The following POM121 variants were observed in gnomAD, a reference collection of about 807,000 sequenced individuals.
The protein encoded by POM121 is POM121 transmembrane nucleoporin, also known as nuclear envelope pore membrane protein POM 121.
In POM121, 32 loss-of-function variants were observed where a neutral mutation model predicts 81.3. The ratio of observed to expected loss-of-function variants is 0.39; its 90% CI spans 0.30 to 0.53. The LOEUF is 0.53. Ranked by LOEUF, POM121 falls within the 20% of genes least tolerant of loss-of-function variation. The pLI is 0.66. For missense variants in POM121, 1,138 were observed against 1,614.6 expected, an observed-to-expected ratio of 0.70 and a Z score of 5.06; for synonymous variants, 514 against 694.2, an observed-to-expected ratio of 0.74 and a Z score of 4.08.
chr7:72,880,866 G>A (rs1171154090), intron 1 of POM121, among the ~76,000 whole-genome samples: 1 of 142,416 alleles, frequency 7.0e-6, no homozygotes, highest in Non-Finnish European at 1.5e-5. Context: ...AGCCTGGGTG[G>A]CAGATTGAGA....
At chr7:72,920,296 G>A (rs1313356070), upstream of POM121, among the ~76,000 whole-genome samples, 6 of 150,298 alleles carry the variant, frequency 4.0e-5, no homozygotes, top group Middle Eastern at 3.2e-3. Context: ...CTAGTAATAC[G>A]ATGTCAGGAT....
rs1554497032 is a variant in POM121 at position 72,925,439 on chromosome 7, C to T, written c.318C>T (p.Phe106=). The T allele has an allele frequency of 1.3e-6, 2 of 1,533,798 alleles. No homozygotes were observed. Among genetic ancestry groups the T allele is most frequent in the East Asian group, 2.4e-5 (1 of 40,910 alleles). The change falls in exon 1 of 13, where the codon TTC becomes TTT. Residue 106 remains phenylalanine, a synonymous_variant. Coordinates refer to ENST00000434423, the MANE Select transcript of POM121 (RefSeq NM_001387691.1). ...VRKARHRRTL[F]ASPLAKSTAN... is the part of the protein sequence containing the mutation. ...AGGCGCGTCATCGGCGAACACTGTT[C>T]GCTTCGCCTCTGGCCAAGTCGACAG...
chr7:72,899,660 G>C (rs1466270771), intron 3 of POM121, among the ~76,000 whole-genome samples: 3 of 148,538 alleles, frequency 2.0e-5, no homozygotes, highest in African/African-American at 7.4e-5. Context: ...CTCACTGCAA[G>C]CTCCGCCTCC....
rs3177261 is a variant in POM121, at chr7:72,945,700, C to T, written c.3644C>T (p.Ala1215Val). Residue 1215 changes from alanine (A) to valine (V), a missense_variant, in exon 12 of 13, where the codon GCA becomes GTA. Physicochemically the swap from Ala to Val is moderately conservative, Grantham distance 64 (BLOSUM62 0). This residue lies in a region of POM121 where 336 missense variants were observed against 344.3 expected (regional missense o/e 0.98). Coordinates refer to ENST00000434423, the MANE Select transcript of POM121 (RefSeq NM_001387691.1). ...SAPAQGFVGV[A>V]PFGSAALSFS... ...CCCGCCCAAGGCTTTGTTGGTGTTG[C>T]ACCTTTCGGTAAGCAGCAAGCCACC... 5.0e-6 allele frequency: 8 copies of T among 1,609,724 alleles called. No individual in the cohort carries two copies. The highest frequency in any genetic ancestry group is 6.8e-6 in the Non-Finnish European group (8 of 1,178,060).
Position 72,900,180 on chromosome 7 carries a change from G to GTCAT in POM121, c.-216+9072_-216+9075dup, listed in dbSNP as rs555989106. ...GTCCTAAGGCCCCAGGCCCTGCTCT[G>GTCAT]TCATTGACTGTCATTTTGAGTGAGT... On this transcript the variant is annotated intron_variant, in intron 3 of 15. Coordinates refer to the POM121 transcript ENST00000395270. 6.8e-4 allele frequency among the ~76,000 whole-genome samples: 103 copies of GTCAT among 152,258 alleles called. 1 individual carries two copies. The highest frequency in any genetic ancestry group is 5.1e-3 in the Admixed American group (78 of 15,288).
rs782458738 is a variant in POM121, at chr7:72,943,425, A to C, written c.3432A>C (p.Ala1144=). 39 of 1,612,714 alleles carry C rather than the reference A, an allele frequency of 2.4e-5. No homozygotes were observed. The highest frequency in any genetic ancestry group is 3.2e-5 in the Non-Finnish European group (38 of 1,179,626). Residue 1144 remains alanine, a synonymous_variant, in exon 11 of 13, where the codon GCA becomes GCC. Transcript: ENST00000434423. Reference sequence around the variant, plus strand: ...GCACAGCCACCTCCACCCCCTTCGCAGGGGGCTTAGGTCAGAACGCCCTGG... The same window carrying C: ...GCACAGCCACCTCCACCCCCTTCGCCGGGGGCTTAGGTCAGAACGCCCTGG... ...SGSTATSTPF[A]GGLGQNALGT...
At chr7:72,904,454 T>G (rs1793033624) in intron 3 of POM121, among the ~76,000 whole-genome samples, 1 of 152,176 alleles carries the variant, frequency 6.6e-6, no homozygotes, top group Non-Finnish European at 1.5e-5. Context: ...GAGTTCTGGG[T>G]TAGGTGAAAC....
intron 1 of POM121, among the ~76,000 whole-genome samples, chr7:72,889,926 A>G (rs1791135387): frequency 6.6e-6 from 1 of 152,170 alleles, no homozygotes. Context: ...ATCTTTAAGG[A>G]CTTCAAGTTA....
In POM121 at chr7:72,944,673, CAG is replaced by C. The variant is rs767387233; in HGVS notation, c.3530-912_3530-911del. 1.1e-4 allele frequency among the ~76,000 whole-genome samples: 16 copies of C among 152,216 alleles called. 1 individual carries two copies. The highest frequency in any genetic ancestry group is 2.4e-4 in the African/African-American group (10 of 41,518). On this transcript the variant is annotated intron_variant, in intron 11 of 12. Transcript: ENST00000434423. ...AGCGGGTCAGTGCCCCGATGCAGCT[CAG>C]GGGGTGCAGGAGTGGAGAGCGGGTG... is the stretch of plus-strand genomic sequence containing the variant.
intron 5 of POM121, among the ~76,000 whole-genome samples, chr7:72,933,441 A>G (rs2530498): frequency 1.1e-4 from 16 of 152,346 alleles, no homozygotes; most frequent in East Asian, 9.6e-4. Flanking sequence ...TTCTGTTTCC[A>G]TGAGTCTTAG....
intron 4 of POM121, among the ~76,000 whole-genome samples, chr7:72,917,029 G>T (rs750192576): frequency 2.0e-5 from 3 of 152,204 alleles, no homozygotes; most frequent in Admixed American, 6.5e-5. Flanking sequence ...ATGGACATTT[G>T]AATATTGCAA....
chr7:72,916,979 GT>G (rs1255056146), intron 4 of POM121, among the ~76,000 whole-genome samples: 3 of 152,142 alleles, frequency 2.0e-5, no homozygotes, highest in Admixed American at 6.5e-5. Flanking sequence ...TTTTGGATAC[GT>G]TCCTTTGTCT....
chr7:72,886,089 C>T (rs1554489988), intron 1 of POM121, among the ~76,000 whole-genome samples: 1 of 152,068 alleles, frequency 6.6e-6, no homozygotes, highest in East Asian at 1.9e-4. Flanking sequence ...CACCGTTGTT[C>T]ATTTTATTTT....
chr7:72,922,385 A>C (rs1794894399), upstream of POM121, among the ~76,000 whole-genome samples: 1 of 151,898 alleles, frequency 6.6e-6, no homozygotes, highest in African/African-American at 2.4e-5. Flanking sequence ...TCCCATATAG[A>C]AGTATTAACT....
chr7:72,894,442 G>A (rs1421102326), intron 3 of POM121, among the ~76,000 whole-genome samples: 1 of 151,986 alleles, frequency 6.6e-6, no homozygotes, highest in Non-Finnish European at 1.5e-5. Context: ...GCTGGGCGTG[G>A]TGGCAGGCGC....
At chr7:72,945,437 G>A (rs1413469800) in intron 11 of POM121, 149 bp from the exon 12 acceptor site, 6 of 680,506 alleles carry the variant, frequency 8.8e-6, no homozygotes, top group Non-Finnish European at 1.2e-5. Flanking sequence ...CGGTTGTCTG[G>A]CTCAGCTGCT....
intron 3 of POM121, among the ~76,000 whole-genome samples, chr7:72,897,100 C>T (rs1482840831): frequency 3.3e-5 from 5 of 151,202 alleles, no homozygotes; most frequent in African/African-American, 9.7e-5. Context: ...TGCAGTGAGC[C>T]GAGATCGTGC....
intron 4 of POM121, among the ~76,000 whole-genome samples, chr7:72,915,709 G>A (rs781978264): frequency 1.3e-5 from 2 of 152,000 alleles, no homozygotes; most frequent in Non-Finnish European, 2.9e-5. Context: ...GTCTCACTGT[G>A]TTGCCCAGGC....
chr7:72,938,571 T>C lies in POM121; in HGVS notation c.1276-19T>C, dbSNP rs1554499972. The C allele has an allele frequency of 1.9e-5, 30 of 1,611,722 alleles. No individual in the cohort carries two copies. Among genetic ancestry groups the C allele is most frequent in the Non-Finnish European group, 2.4e-5 (28 of 1,177,872 alleles). ...GCTAAGTTATCAGCAGGCTCAGTCATGTCCCTCTTGATTTTTAGCTCTGGA... is the reference window on the plus strand; with the variant it reads ...GCTAAGTTATCAGCAGGCTCAGTCACGTCCCTCTTGATTTTTAGCTCTGGA... On this transcript the variant is annotated intron_variant, in intron 5 of 12. Coordinates refer to ENST00000434423, the MANE Select transcript of POM121 (RefSeq NM_001387691.1).
Sources: gnomAD v4.1 joint callset for allele counts (sites outside exome capture counted in the v4.1 genomes callset) on GRCh38, gnomAD v4.1.1 for gene constraint, gnomAD v4.1.1 regional missense constraint, MANE v1.5 for transcripts, NCBI Gene and HGNC (gene_info 2026-07-23, HGNC 2026-07-21) for gene names.